GNB4: variants seen among roughly 807,000 people sequenced by gnomAD.
GNB4 encodes guanine nucleotide-binding protein subunit beta-4.
Under a neutral mutation model 45.2 loss-of-function variants are expected in GNB4, and 28 were observed. That is an observed-to-expected ratio of 0.62 (90% CI 0.46 to 0.85). The LOEUF (loss-of-function observed/expected upper bound fraction) is 0.85. GNB4 is among the 40% of genes least tolerant of loss of function. GNB4 has a pLI of 0.00. For missense variants in GNB4, 321 were observed against 425.4 expected (o/e 0.75, Z 2.16); for synonymous variants, 132 against 143.7 (o/e 0.92, Z 0.58).
intron 1 of GNB4, among the ~76,000 whole-genome samples, chr3:179,436,881 A>G (rs1364196426): frequency 6.6e-6 from 1 of 152,228 alleles, no homozygotes; most frequent in Non-Finnish European, 1.5e-5. Flanking sequence ...CCCCTTGTGA[A>G]CTGAAGGTAG....
At chr3:179,440,543 C>T (rs934824830) in intron 1 of GNB4, among the ~76,000 whole-genome samples, 17 of 151,866 alleles carry the variant, frequency 1.1e-4, no homozygotes, top group South Asian at 2.1e-4. Flanking sequence ...CTTGTGATTA[C>T]GTTTTCTGAA....
At chr3:179,474,439 G>A in the GNB4 span, among the ~76,000 whole-genome samples, 2 of 152,094 alleles carry the variant, frequency 1.3e-5, no homozygotes, top group African/African-American at 4.8e-5. Flanking sequence ...GGCCAGGCTG[G>A]TCTTGAACTC....
At chr3:179,490,737 A>G in the GNB4 span, among the ~76,000 whole-genome samples, 3 of 152,166 alleles carry the variant, frequency 2.0e-5, no homozygotes, top group Non-Finnish European at 4.4e-5. Flanking sequence ...GCCCCCGGCC[A>G]ATTGCATGGT....
chr3:179,453,458 C>T (rs952161560), upstream of GNB4, among the ~76,000 whole-genome samples: 5 of 152,150 alleles, frequency 3.3e-5, no homozygotes, highest in African/African-American at 4.8e-5. Flanking sequence ...TGCCTTGTTC[C>T]TGTGCACTAG....
the GNB4 span, among the ~76,000 whole-genome samples, chr3:179,521,581 CT>C: frequency 6.6e-6 from 1 of 152,320 alleles, no homozygotes; most frequent in East Asian, 1.9e-4. Context: ...ATGCCCTGCT[CT>C]TGTTTACGCT....
At chr3:179,451,556 A>AGGCG (rs1715878405), upstream of GNB4, 1 of 150,262 alleles carries the variant, frequency 6.7e-6, no homozygotes, top group Non-Finnish European at 1.5e-5. Flanking sequence ...GGCGCGAGGC[A>AGGCG]CGAGGCGCGC....
At chr3:179,404,386 G>A (rs1025020852) in intron 9 of GNB4, among the ~76,000 whole-genome samples, 3 of 152,046 alleles carry the variant, frequency 2.0e-5, no homozygotes, top group Non-Finnish European at 4.4e-5. Context: ...TTTTAAACAA[G>A]TAACAGCAAT....
At chr3:179,423,632 T>C (rs1172956799) in intron 2 of GNB4, among the ~76,000 whole-genome samples, 1 of 151,960 alleles carries the variant, frequency 6.6e-6, no homozygotes, top group East Asian at 1.9e-4. Flanking sequence ...AAATACAAAA[T>C]TAGCTGGGCG....
intron 1 of GNB4, among the ~76,000 whole-genome samples, chr3:179,429,018 C>G (rs1044291621): frequency 2.0e-5 from 3 of 152,232 alleles, no homozygotes; most frequent in Non-Finnish European, 4.4e-5. Context: ...ACCACCATCA[C>G]TCCGTGGATG....
At chr3:179,432,612 C>A (rs538124131) in intron 1 of GNB4, among the ~76,000 whole-genome samples, 35 of 152,276 alleles carry the variant, frequency 2.3e-4, no homozygotes, top group African/African-American at 8.4e-4. Context: ...TCCAAAGTGG[C>A]CAAACTGTAT....
At chr3:179,472,889 C>T in the GNB4 span, among the ~76,000 whole-genome samples, 48 of 152,252 alleles carry the variant, frequency 3.2e-4, no homozygotes, top group African/African-American at 9.9e-4. Context: ...GTTGGCCGGG[C>T]GCGGTGGCTC....
the GNB4 span, among the ~76,000 whole-genome samples, chr3:179,501,005 T>C: frequency 1.3e-5 from 2 of 152,202 alleles, no homozygotes; most frequent in Admixed American, 1.3e-4. Flanking sequence ...TTTCTAAATA[T>C]ACAATCATGT....
chr3:179,421,798 G>C (rs1714989555), intron 2 of GNB4, among the ~76,000 whole-genome samples: 1 of 152,156 alleles, frequency 6.6e-6, no homozygotes, highest in African/African-American at 2.4e-5. Context: ...ACAAGTAGTT[G>C]CACTAAACAT....
In GNB4 at chr3:179,397,405, T is replaced by C. The variant is rs1475900448; in HGVS notation, c.*3808A>G. The C allele has an allele frequency of 6.6e-6, 1 of 152,230 alleles. No homozygotes were observed. The highest frequency in any genetic ancestry group is 1.5e-5 in the Non-Finnish European group (1 of 68,044). 9.4% of individuals were successfully genotyped at this position (152,230 alleles called of 1,614,324 possible). ...TTGTCACCTTAAGTCAAGATCCATT[T>C]ATCTATTAATAGGTTAAGTCTGAAA... is the stretch of plus-strand genomic sequence containing the variant. On this transcript the variant is annotated 3_prime_UTR_variant, in exon 10 of 10. Transcript: ENST00000232564.
the GNB4 span, chr3:179,464,882 G>T: frequency 7.0e-7 from 1 of 1,427,754 alleles, no homozygotes. Context: ...CCCATGCGGT[G>T]TGTGGGAAAT....
At chr3:179,514,779 G>A in the GNB4 span, among the ~76,000 whole-genome samples, 1 of 152,162 alleles carries the variant, frequency 6.6e-6, no homozygotes, top group Admixed American at 6.5e-5. Context: ...TCATCTTGGA[G>A]CTCCAGCTTC....
At chr3:179,427,426 G>A (rs1285977803) in intron 1 of GNB4, among the ~76,000 whole-genome samples, 2 of 151,762 alleles carry the variant, frequency 1.3e-5, no homozygotes, top group Non-Finnish European at 1.5e-5. Flanking sequence ...GCAACATGGC[G>A]AAACCTCATC....
the GNB4 span, among the ~76,000 whole-genome samples, chr3:179,460,486 C>G: frequency 1.3e-5 from 2 of 152,054 alleles, no homozygotes; most frequent in Non-Finnish European, 2.9e-5. Flanking sequence ...TGTATTAACT[C>G]AGAAATGAAT....
the GNB4 span, among the ~76,000 whole-genome samples, chr3:179,490,365 T>C: frequency 6.6e-6 from 1 of 152,158 alleles, no homozygotes; most frequent in Non-Finnish European, 1.5e-5. Flanking sequence ...CCTGTGGTAG[T>C]TAGGATTCTT....
Sources: gnomAD v4.1 joint callset for allele counts (sites outside exome capture counted in the v4.1 genomes callset) on GRCh38, gnomAD v4.1.1 for gene constraint, MANE v1.5 for transcripts, NCBI Gene and HGNC (gene_info 2026-07-23, HGNC 2026-07-21) for gene names.